Variants in CWF19L2 observed in about 807,000 individuals in gnomAD.
The protein encoded by CWF19L2 is CWF19 like cell cycle control factor 2.
Under a neutral mutation model 111.7 loss-of-function variants are expected in CWF19L2, and 98 were observed. That is an observed-to-expected ratio of 0.88 (90% CI 0.75 to 1.04). CWF19L2 has a LOEUF of 1.04. Ranked by LOEUF, CWF19L2 falls within the 50% of genes least tolerant of loss-of-function variation. CWF19L2 has a pLI of 0.00. For synonymous variants in CWF19L2, 351 were observed against 342.9 expected (o/e 1.02, Z -0.26); for missense variants, 1,101 against 1,051.4 (o/e 1.05, Z -0.65).
intron 14 of CWF19L2, among the ~76,000 whole-genome samples, chr11:107,343,530 T>C (rs1860035190): frequency 1.3e-5 from 2 of 152,192 alleles, no homozygotes; most frequent in Non-Finnish European, 2.9e-5. Flanking sequence ...CATATAGTTA[T>C]GAAATCTCCT....
intron 6 of CWF19L2, among the ~76,000 whole-genome samples, chr11:107,436,337 T>C (rs756448750): frequency 4.9e-4 from 75 of 152,216 alleles, no homozygotes; most frequent in Admixed American, 1.4e-3. Context: ...AAGTAAAAAA[T>C]GAAGAAACTT....
At chr11:107,393,471 C>G (rs1565266260) in intron 10 of CWF19L2, among the ~76,000 whole-genome samples, 1 of 152,046 alleles carries the variant, frequency 6.6e-6, no homozygotes, top group South Asian at 2.1e-4. Context: ...TAAGAGTAAA[C>G]TTTATTCTCT....
intron 5 of CWF19L2, among the ~76,000 whole-genome samples, chr11:107,441,163 T>C (rs1409804514): frequency 1.3e-5 from 2 of 152,152 alleles, no homozygotes; most frequent in African/African-American, 4.8e-5. Flanking sequence ...CCAGAATTTC[T>C]AGATGTCTTG....
intron 6 of CWF19L2, among the ~76,000 whole-genome samples, chr11:107,437,161 C>T (rs1861552433): frequency 6.6e-6 from 1 of 152,120 alleles, no homozygotes; most frequent in East Asian, 1.9e-4. Context: ...ACATTACCAT[C>T]ATTATTGAGT....
chr11:107,339,641 A>C (rs1160574581), intron 14 of CWF19L2, among the ~76,000 whole-genome samples: 1 of 151,138 alleles, frequency 6.6e-6, no homozygotes, highest in Non-Finnish European at 1.5e-5. Flanking sequence ...TCTTCAGCAA[A>C]ATGTTTCATG....
chr11:107,363,375 A>G (rs539190037), intron 12 of CWF19L2, among the ~76,000 whole-genome samples: 12 of 152,168 alleles, frequency 7.9e-5, no homozygotes, highest in Non-Finnish European at 1.8e-4. Flanking sequence ...TAATTGTCAG[A>G]TTCACCAAAG....
chr11:107,333,528 G>C (rs1168764488), intron 16 of CWF19L2, among the ~76,000 whole-genome samples: 1 of 152,106 alleles, frequency 6.6e-6, no homozygotes, highest in African/African-American at 2.4e-5. Context: ...GAAAAACGTA[G>C]CACAAAAGAT....
chr11:107,344,619 T>C (rs1033017805), intron 14 of CWF19L2, among the ~76,000 whole-genome samples: 2 of 152,228 alleles, frequency 1.3e-5, no homozygotes, highest in African/African-American at 4.8e-5. Context: ...ACAGCACTTG[T>C]TGTATTTTCC....
At chr11:107,452,827 CA>C (rs1195244127) in intron 3 of CWF19L2, among the ~76,000 whole-genome samples, 1 of 152,004 alleles carries the variant, frequency 6.6e-6, no homozygotes, top group Non-Finnish European at 1.5e-5. Context: ...TCCATGTCTA[CA>C]AAAACAACTT....
intron 8 of CWF19L2, among the ~76,000 whole-genome samples, chr11:107,423,985 A>C (rs1029135017): frequency 3.9e-5 from 6 of 152,016 alleles, no homozygotes; most frequent in African/African-American, 1.4e-4. Flanking sequence ...TCAGTTTCTA[A>C]TGTGAGCTTC....
chr11:107,400,413 ATCAT>A (rs1860983621), intron 10 of CWF19L2, among the ~76,000 whole-genome samples: 1 of 152,170 alleles, frequency 6.6e-6, no homozygotes, highest in African/African-American at 2.4e-5. Flanking sequence ...AATACAAAAG[ATCAT>A]TCAAAGCTAC....
chr11:107,409,840 A>C (rs1277793490), intron 10 of CWF19L2, among the ~76,000 whole-genome samples: 1 of 152,122 alleles, frequency 6.6e-6, no homozygotes, highest in Non-Finnish European at 1.5e-5. Context: ...TTACAATAAA[A>C]TACTACAGAG....
At chr11:107,389,179 T>G (rs2134593095) in intron 12 of CWF19L2, among the ~76,000 whole-genome samples, 1 of 152,320 alleles carries the variant, frequency 6.6e-6, no homozygotes, top group South Asian at 2.1e-4. Flanking sequence ...CTTGCCTATA[T>G]CTCAGTGACT....
In CWF19L2 at chr11:107,385,632, C is replaced by G. The variant is rs142784888; in HGVS notation, c.1872+4442G>C. ...TTACCTGTGGTTTTACTTCCTGTGG[C>G]TGCAGTTACCTGCAGTCAACTGTGG... On this transcript the variant is annotated intron_variant, in intron 12 of 17. Transcript: ENST00000282251. Among the ~76,000 whole-genome samples, 409 of 152,352 alleles carry G rather than the reference C, an allele frequency of 2.7e-3. 2 individuals are homozygous for G. Among genetic ancestry groups the G allele is most frequent in the Non-Finnish European group, 3.6e-3 (242 of 68,030 alleles).
In CWF19L2 at chr11:107,357,225, T is replaced by C. The variant is rs189711306; in HGVS notation, c.1873-3489A>G. On this transcript the variant is annotated intron_variant, in intron 12 of 17. Transcript: ENST00000282251. ...CTTTTTCCCTTAAGAAATCAATGTTTGAAACACAGAAAGGGCATACTGTGA... is the reference window on the plus strand; with the variant it reads ...CTTTTTCCCTTAAGAAATCAATGTTCGAAACACAGAAAGGGCATACTGTGA... 1.9e-3 allele frequency among the ~76,000 whole-genome samples: 286 copies of C among 152,198 alleles called. 1 individual carries two copies. Among genetic ancestry groups the C allele is most frequent in the Non-Finnish European group, 3.2e-3 (220 of 68,004 alleles).
intron 7 of CWF19L2, among the ~76,000 whole-genome samples, chr11:107,433,423 C>T (rs2135413381): frequency 6.6e-6 from 1 of 152,180 alleles, no homozygotes; most frequent in East Asian, 1.9e-4. Flanking sequence ...AACACACCCA[C>T]ATTTAAGTTT....
At chr11:107,359,344 GT>G (rs200118753) in intron 12 of CWF19L2, among the ~76,000 whole-genome samples, 2,346 of 152,266 alleles carry the variant, frequency 0.015, 58 homozygotes, top group African/African-American at 0.053. Flanking sequence ...TGAAGTAGAT[GT>G]CTGGACAGAA....
intron 12 of CWF19L2, among the ~76,000 whole-genome samples, chr11:107,385,290 A>G (rs1355862572): frequency 1.3e-5 from 2 of 149,732 alleles, no homozygotes; most frequent in Non-Finnish European, 3.0e-5. Context: ...ATTGCTTTGC[A>G]TATTTAGAAA....
chr11:107,356,305 A>C (rs540247924), intron 12 of CWF19L2, among the ~76,000 whole-genome samples: 114 of 152,336 alleles, frequency 7.5e-4, no homozygotes, highest in African/African-American at 2.6e-3. Flanking sequence ...CAAATCAATG[A>C]TGCCAACTGC....
Sources: gnomAD v4.1 joint callset for allele counts (sites outside exome capture counted in the v4.1 genomes callset) on GRCh38, gnomAD v4.1.1 for gene constraint, MANE v1.5 for transcripts, NCBI Gene and HGNC (gene_info 2026-07-23, HGNC 2026-07-21) for gene names.